The following COLGALT2 variants were observed in gnomAD, a reference collection of about 807,000 sequenced individuals.
COLGALT2 encodes procollagen galactosyltransferase 2.
In COLGALT2, 49 loss-of-function variants were observed where a neutral mutation model predicts 73.4. The observed-to-expected ratio is 0.67, with a 90% CI of 0.53 to 0.85. The LOEUF is 0.85. COLGALT2 is among the 40% of genes least tolerant of loss of function. COLGALT2 has a pLI of 0.00. For synonymous variants in COLGALT2, 295 were observed against 307.6 expected (o/e 0.96, Z 0.43); for missense variants, 722 against 790.2 (o/e 0.91, Z 1.03).
chr1:183,945,583 G>T lies in COLGALT2; in HGVS notation c.1137-19C>A, dbSNP rs994679581. 3 of 1,612,758 alleles carry T rather than the reference G, an allele frequency of 1.9e-6. No individual in the cohort carries two copies. The highest frequency in any genetic ancestry group is 2.5e-6 in the Non-Finnish European group (3 of 1,179,602). On this transcript the variant is annotated intron_variant, in intron 8 of 11. Transcript: ENST00000361927. Reference sequence around the variant, plus strand: ...GAGTGCCCTGCATCACATAAAACACGTCTGGAGATTAACAAGTCAAAGGTC... The same window carrying T: ...GAGTGCCCTGCATCACATAAAACACTTCTGGAGATTAACAAGTCAAAGGTC...
intron 5 of COLGALT2, 50 bp downstream of exon 5, chr1:183,969,219 T>C (rs755681368): frequency 6.9e-7 from 1 of 1,443,984 alleles, no homozygotes; most frequent in Non-Finnish European, 9.4e-7. Flanking sequence ...AAGGAGCTGG[T>C]CATTTTGCTG....
At chr1:183,934,450 C>T (rs371684423), downstream of COLGALT2, among the ~76,000 whole-genome samples, 3 of 152,108 alleles carry the variant, frequency 2.0e-5, no homozygotes, top group Non-Finnish European at 4.4e-5. Flanking sequence ...GAAGGACAGC[C>T]GGTTCCCCTG....
At chr1:184,034,129 C>A (rs1649596901) in intron 1 of COLGALT2, among the ~76,000 whole-genome samples, 1 of 152,158 alleles carries the variant, frequency 6.6e-6, no homozygotes, top group Non-Finnish European at 1.5e-5. Flanking sequence ...ATAAGCTTCC[C>A]AGCCAAATAT....
chr1:183,936,858 ACC>A lies in COLGALT2; in HGVS notation c.*1901_*1902del. The A allele has an allele frequency of 8.1e-7, 1 of 1,231,702 alleles. No homozygotes were observed. Among genetic ancestry groups the A allele is most frequent in the Non-Finnish European group, 1.0e-6 (1 of 988,002 alleles). 76.3% of individuals were successfully genotyped at this position (1,231,702 alleles called of 1,614,324 possible). A position where few individuals can be genotyped will look rare whatever the true frequency, so the allele number is the denominator to read the frequency against. On this transcript the variant is annotated 3_prime_UTR_variant, in exon 12 of 12. Coordinates refer to ENST00000361927, the MANE Select transcript of COLGALT2 (RefSeq NM_015101.4). Reference sequence around the variant, plus strand: ...AGCTTGCTGGTCAGTGTAGAAGGGTACCCACAGTGAGTCGGGAAGGAAGGCCG... The same window carrying A: ...AGCTTGCTGGTCAGTGTAGAAGGGTACACAGTGAGTCGGGAAGGAAGGCCG...
At chr1:183,977,470 CA>C (rs71993168) in intron 2 of COLGALT2, among the ~76,000 whole-genome samples, 145 of 126,664 alleles carry the variant, frequency 1.1e-3, no homozygotes, top group Admixed American at 2.3e-3. Flanking sequence ...GACTCTGTCT[CA>C]AAAAAAAAAA....
intron 10 of COLGALT2, among the ~76,000 whole-genome samples, chr1:183,942,576 T>C (rs967598776): frequency 6.6e-6 from 1 of 152,246 alleles, no homozygotes; most frequent in Non-Finnish European, 1.5e-5. Context: ...TATTCTTCCC[T>C]TTTATTATTT....
intron 5 of COLGALT2, among the ~76,000 whole-genome samples, chr1:183,968,489 A>G (rs1484994919): frequency 6.6e-6 from 1 of 152,214 alleles, no homozygotes; most frequent in East Asian, 1.9e-4. Flanking sequence ...ACAGGGACTG[A>G]GGCTGAGACT....
intron 8 of COLGALT2, among the ~76,000 whole-genome samples, chr1:183,947,239 T>TA (rs1253019301): frequency 2.0e-5 from 3 of 152,166 alleles, no homozygotes; most frequent in Non-Finnish European, 2.9e-5. Context: ...TATCTTAAAA[T>TA]AATCAGACCT....
At chr1:184,033,286 T>C (rs529644314) in intron 1 of COLGALT2, among the ~76,000 whole-genome samples, 80 of 152,360 alleles carry the variant, frequency 5.3e-4, no homozygotes, top group Non-Finnish European at 3.2e-4. Flanking sequence ...TTCCCTCTGT[T>C]GCTAAGGCTA....
At chr1:183,982,934 G>C (rs537008091) in intron 1 of COLGALT2, among the ~76,000 whole-genome samples, 1 of 152,294 alleles carries the variant, frequency 6.6e-6, no homozygotes, top group South Asian at 2.1e-4. Flanking sequence ...TTTTGACAAA[G>C]TTGGTCTTAT....
At chr1:183,970,939 C>A (rs1414598117) in intron 4 of COLGALT2, among the ~76,000 whole-genome samples, 5 of 152,118 alleles carry the variant, frequency 3.3e-5, no homozygotes, top group South Asian at 4.2e-4. Context: ...TAAAGGGCTG[C>A]CTAAGTACTT....
intron 1 of COLGALT2, among the ~76,000 whole-genome samples, chr1:183,981,489 TAA>T (rs35789912): frequency 9.7e-5 from 14 of 144,856 alleles, no homozygotes; most frequent in South Asian, 2.2e-4. Flanking sequence ...CCGTCCCTAC[TAA>T]AAAAAAAAAA....
At chr1:183,976,949 G>A (rs775943029) in intron 2 of COLGALT2, among the ~76,000 whole-genome samples, 11 of 152,176 alleles carry the variant, frequency 7.2e-5, no homozygotes, top group Non-Finnish European at 1.0e-4. Context: ...ACAAGCAACA[G>A]TGTGGGGTTT....
rs772715132 is a variant in COLGALT2 at position 183,937,383 on chromosome 1, A to T, written c.*1378T>A. 1.0e-6 allele frequency: 1 copy of T among 998,764 alleles called. No individual in the cohort carries two copies. Among genetic ancestry groups the T allele is most frequent in the African/African-American group, 1.7e-5 (1 of 57,882 alleles). 61.9% of individuals were successfully genotyped at this position (998,764 alleles called of 1,614,324 possible). A position where few individuals can be genotyped will look rare whatever the true frequency, so the allele number is the denominator to read the frequency against. On this transcript the variant is annotated 3_prime_UTR_variant, in exon 12 of 12. Coordinates refer to ENST00000361927, the MANE Select transcript of COLGALT2 (RefSeq NM_015101.4). Reference sequence around the variant, plus strand: ...CTAGGATGACAGATTGTGGAGTGGGAAGAAATCGTGTAGTCCAACTCTGCA... The same window carrying T: ...CTAGGATGACAGATTGTGGAGTGGGTAGAAATCGTGTAGTCCAACTCTGCA...
chr1:183,950,713 C>G (rs1263399995), intron 8 of COLGALT2, among the ~76,000 whole-genome samples: 2 of 152,178 alleles, frequency 1.3e-5, no homozygotes, highest in African/African-American at 4.8e-5. Flanking sequence ...TGTTACACTA[C>G]AGAAGGCTGA....
At chr1:183,968,380 T>C (rs879348134) in intron 5 of COLGALT2, among the ~76,000 whole-genome samples, 6 of 152,196 alleles carry the variant, frequency 3.9e-5, no homozygotes, top group Admixed American at 6.5e-5. Flanking sequence ...ATAACTTTCC[T>C]TCCTGTTGAC....
chr1:184,026,965 G>A (rs568217378), intron 1 of COLGALT2, among the ~76,000 whole-genome samples: 3 of 152,230 alleles, frequency 2.0e-5, no homozygotes, highest in African/African-American at 7.2e-5. Flanking sequence ...ATGTGAGGGA[G>A]TGTCGTTTTA....
intron 1 of COLGALT2, among the ~76,000 whole-genome samples, chr1:184,010,566 T>C (rs892956278): frequency 1.3e-5 from 2 of 152,220 alleles, no homozygotes; most frequent in African/African-American, 4.8e-5. Flanking sequence ...GAGATTTTTT[T>C]CCCCACCTTT....
intron 8 of COLGALT2, among the ~76,000 whole-genome samples, chr1:183,948,580 TA>T (rs554823132): frequency 6.6e-6 from 1 of 152,122 alleles, no homozygotes; most frequent in Non-Finnish European, 1.5e-5. Flanking sequence ...CTCAACCCAG[TA>T]AAGGCCATCT....
Sources: gnomAD v4.1 joint callset for allele counts (sites outside exome capture counted in the v4.1 genomes callset) on GRCh38, gnomAD v4.1.1 for gene constraint, MANE v1.5 for transcripts, NCBI Gene and HGNC (gene_info 2026-07-23, HGNC 2026-07-21) for gene names.